The following SFRP1 variants were observed in gnomAD, a reference collection of about 807,000 sequenced individuals.
SFRP1 encodes secreted frizzled related protein 1.
Under a neutral mutation model 25.9 loss-of-function variants are expected in SFRP1, and 9 were observed. The observed-to-expected ratio is 0.35, with a 90% CI of 0.21 to 0.61. The LOEUF (loss-of-function observed/expected upper bound fraction) is 0.61. SFRP1 is among the 20% of genes least tolerant of loss of function. The pLI is 0.78. For missense variants in SFRP1, 346 were observed against 418.2 expected (o/e 0.83, Z 1.51); for synonymous variants, 178 against 174.0 (o/e 1.02, Z -0.18).
rs773649992 is a variant in SFRP1, at chr8:41,265,296, G to A, written c.816C>T (p.Gly272=). 1.2e-4 allele frequency: 190 copies of A among 1,614,010 alleles called. No homozygotes were observed. Among genetic ancestry groups the A allele is most frequent in the Non-Finnish European group, 1.6e-4 (185 of 1,180,028 alleles). Residue 272 remains glycine (G), a synonymous_variant, in exon 3 of 3, where the codon GGC becomes GGT. Transcript: ENST00000220772. ...DNLSHHFLIM[G]RKVKSQYLLT... ...GCAAGTACTGGCTCTTCACCTTGCG[G>A]CCCATGATGAGGAAGTGGTGGCTGA...
intron 1 of SFRP1, among the ~76,000 whole-genome samples, chr8:41,308,059 G>A (rs1167085846): frequency 3.9e-5 from 6 of 152,272 alleles, no homozygotes; most frequent in Admixed American, 6.5e-5. Flanking sequence ...CAATCCCAAG[G>A]CTACTTGACT....
chr8:41,289,299 T>C (rs1803747232), intron 2 of SFRP1, among the ~76,000 whole-genome samples: 1 of 152,176 alleles, frequency 6.6e-6, no homozygotes, highest in African/African-American at 2.4e-5. Flanking sequence ...TTCAACTCGC[T>C]TAAGGAAACA....
chr8:41,272,430 C>T (rs536509482), intron 2 of SFRP1, among the ~76,000 whole-genome samples: 16 of 152,242 alleles, frequency 1.1e-4, no homozygotes, highest in South Asian at 8.3e-4. Context: ...GCCAACGTGG[C>T]GAAACCCCGT....
intron 1 of SFRP1, among the ~76,000 whole-genome samples, chr8:41,307,406 A>G (rs13282702): frequency 0.48 from 73,485 of 152,082 alleles, 17,887 homozygotes; most frequent in Admixed American, 0.53. Context: ...CCACCTGCCC[A>G]AATCCTCACT....
At chr8:41,303,699 C>T (rs926148112) in intron 1 of SFRP1, among the ~76,000 whole-genome samples, 161 bp from the exon 2 acceptor site, 1 of 152,136 alleles carries the variant, frequency 6.6e-6, no homozygotes, top group African/African-American at 2.4e-5. Flanking sequence ...GCCTTGAGCC[C>T]AGGGTCTACA....
At chr8:41,293,926 CTTTT>C (rs576425485) in intron 2 of SFRP1, among the ~76,000 whole-genome samples, 1 of 139,270 alleles carries the variant, frequency 7.2e-6, no homozygotes, top group African/African-American at 2.6e-5. Context: ...TATCTGGCTA[CTTTT>C]TTTTTTTTTT....
At chr8:41,280,280 G>C (rs1803620192) in intron 2 of SFRP1, among the ~76,000 whole-genome samples, 1 of 152,270 alleles carries the variant, frequency 6.6e-6, no homozygotes, top group African/African-American at 2.4e-5. Context: ...ACAGGATGCA[G>C]AGGAACGCTG....
At chr8:41,308,548 G>A (rs1804027126) in intron 1 of SFRP1, 68 bp downstream of exon 1, 1 of 1,317,168 alleles carries the variant, frequency 7.6e-7, no homozygotes, top group Non-Finnish European at 1.0e-6. Flanking sequence ...GGGTGGCGCG[G>A]GTTCTCCTGC....
intron 2 of SFRP1, among the ~76,000 whole-genome samples, chr8:41,279,321 A>G (rs2117491573): frequency 6.6e-6 from 1 of 152,248 alleles, no homozygotes; most frequent in Non-Finnish European, 1.5e-5. Flanking sequence ...TAACAACAAC[A>G]GCAAGAGCCA....
intron 2 of SFRP1, among the ~76,000 whole-genome samples, chr8:41,280,940 C>T (rs1803627961): frequency 6.6e-6 from 1 of 152,236 alleles, no homozygotes; most frequent in South Asian, 2.1e-4. Flanking sequence ...GGCTCCACAA[C>T]AGACAGATTC....
intron 2 of SFRP1, among the ~76,000 whole-genome samples, chr8:41,286,726 G>A (rs186715142): frequency 1.3e-5 from 2 of 152,150 alleles, no homozygotes; most frequent in Admixed American, 6.5e-5. Context: ...ACACGAGGTC[G>A]GGGGCAGCTA....
chr8:41,293,120 ACTC>A (rs1803798043), intron 2 of SFRP1, among the ~76,000 whole-genome samples: 1 of 151,650 alleles, frequency 6.6e-6, no homozygotes, highest in Admixed American at 6.6e-5. Context: ...ACCTGACTGA[ACTC>A]CTTCCCCTCA....
At chr8:41,266,389 T>C (rs1366669521) in intron 2 of SFRP1, among the ~76,000 whole-genome samples, 1 of 152,198 alleles carries the variant, frequency 6.6e-6, no homozygotes, top group Non-Finnish European at 1.5e-5. Flanking sequence ...GATCTGATGC[T>C]ATTGATCTCA....
chr8:41,291,934 G>A (rs995738541), intron 2 of SFRP1, among the ~76,000 whole-genome samples: 11 of 152,136 alleles, frequency 7.2e-5, no homozygotes, highest in Admixed American at 7.2e-4. Flanking sequence ...CAGGAGTGGG[G>A]ACAGCGAGGT....
intron 2 of SFRP1, among the ~76,000 whole-genome samples, chr8:41,278,632 GC>G (rs1435549842): frequency 8.5e-5 from 13 of 152,306 alleles, no homozygotes; most frequent in Admixed American, 7.2e-4. Context: ...ACCCCCAGGG[GC>G]CTTGCTTGCA....
At chr8:41,268,927 G>C (rs1231200686) in intron 2 of SFRP1, among the ~76,000 whole-genome samples, 1 of 152,226 alleles carries the variant, frequency 6.6e-6, no homozygotes, top group Non-Finnish European at 1.5e-5. Flanking sequence ...ACAAACAGAA[G>C]CCCAGAAGGT....
Position 41,276,336 on chromosome 8 carries a change from C to A in SFRP1, c.623-10847G>T, listed in dbSNP as rs768308498. Reference sequence around the variant, plus strand: ...TGAGATTCAGTAACAGCACTGGGTACGGCATTTGGCTGCAAGCAACCACAA... The same window carrying A: ...TGAGATTCAGTAACAGCACTGGGTAAGGCATTTGGCTGCAAGCAACCACAA... On this transcript the variant is annotated intron_variant, in intron 2 of 2. Coordinates refer to ENST00000220772, the MANE Select transcript of SFRP1 (RefSeq NM_003012.5). 1.1e-3 allele frequency among the ~76,000 whole-genome samples: 161 copies of A among 152,320 alleles called. 1 individual carries two copies. The highest frequency in any genetic ancestry group is 3.4e-3 in the Middle Eastern group (1 of 294).
intron 2 of SFRP1, among the ~76,000 whole-genome samples, chr8:41,288,802 T>C (rs1803740833): frequency 6.6e-6 from 1 of 152,162 alleles, no homozygotes; most frequent in South Asian, 2.1e-4. Flanking sequence ...GGCTCTCTCC[T>C]ACCCTATGCA....
intron 2 of SFRP1, among the ~76,000 whole-genome samples, chr8:41,272,937 TAG>T (rs60669759): frequency 0.3 from 45,294 of 151,984 alleles, 7,484 homozygotes; most frequent in Non-Finnish European, 0.38. Flanking sequence ...GAGAAAAGGG[TAG>T]ACATCTAATA....
Sources: gnomAD v4.1 joint callset for allele counts (sites outside exome capture counted in the v4.1 genomes callset) on GRCh38, gnomAD v4.1.1 for gene constraint, MANE v1.5 for transcripts, NCBI Gene and HGNC (gene_info 2026-07-23, HGNC 2026-07-21) for gene names.